Variants in DCLK1 observed in about 807,000 individuals in gnomAD.
The protein encoded by DCLK1 is serine/threonine-protein kinase DCLK1.
In DCLK1, 16 loss-of-function variants were observed where a neutral mutation model predicts 86.2. The ratio of observed to expected loss-of-function variants is 0.19; its 90% CI spans 0.13 to 0.28. The LOEUF (loss-of-function observed/expected upper bound fraction) is 0.28. Ranked by LOEUF, DCLK1 falls within the 10% of genes least tolerant of loss-of-function variation. The probability of loss-of-function intolerance (pLI) is 1.00; values close to 1 mark genes in which losing one functional copy is unlikely to be tolerated. For synonymous variants in DCLK1, 369 were observed against 370.5 expected, an observed-to-expected ratio of 1.00 and a Z score of 0.05; for missense variants, 590 against 940.2, an observed-to-expected ratio of 0.63 and a Z score of 4.87.
intron 3 of DCLK1, 91 bp downstream of exon 3, chr13:36,111,778 C>T (rs1376175969): frequency 1.6e-6 from 2 of 1,219,128 alleles, no homozygotes; most frequent in African/African-American, 1.5e-5. Flanking sequence ...CCTTTAACAA[C>T]TTGAGCAAAA....
At chr13:36,067,861 G>C (rs1047379491) in intron 3 of DCLK1, among the ~76,000 whole-genome samples, 1 of 152,138 alleles carries the variant, frequency 6.6e-6, no homozygotes, top group South Asian at 2.1e-4. Flanking sequence ...TAAATGAGAA[G>C]AGTCTGCTGC....
At chr13:35,839,622 TA>T (rs1343865042) in intron 6 of DCLK1, among the ~76,000 whole-genome samples, 2 of 152,142 alleles carry the variant, frequency 1.3e-5, no homozygotes, top group African/African-American at 2.4e-5. Flanking sequence ...AAAATATCCT[TA>T]AAAAAATTAA....
Position 35,795,925 on chromosome 13 carries a change from C to CAAAA in DCLK1, c.1945-2450_1945-2447dup, listed in dbSNP as rs36039528. 4.6e-3 allele frequency among the ~76,000 whole-genome samples: 411 copies of CAAAA among 90,066 alleles called. 4 individuals are homozygous for CAAAA. Among genetic ancestry groups the CAAAA allele is most frequent in the African/African-American group, 0.016 (380 of 24,032 alleles). 59.1% of individuals were successfully genotyped at this position (90,066 alleles called of 152,430 possible). A position where few individuals can be genotyped will look rare whatever the true frequency, so the allele number is the denominator to read the frequency against. The stretch of plus-strand genomic sequence containing the variant: ...GGGCAACAAAAGCAAAACTCCATCT[C>CAAAA]AAAAAAAAAAAAAAAAAAACCAACA... On this transcript the variant is annotated intron_variant, in intron 15 of 16. Coordinates refer to ENST00000360631, the MANE Select transcript of DCLK1 (RefSeq NM_001330071.2).
intron 4 of DCLK1, among the ~76,000 whole-genome samples, chr13:35,906,520 T>G (rs1874700345): frequency 6.6e-6 from 1 of 152,152 alleles, no homozygotes; most frequent in African/African-American, 2.4e-5. Flanking sequence ...TGATGGATGG[T>G]AAAGAGCAAC....
At chr13:36,041,578 G>A (rs1389035968) in intron 3 of DCLK1, among the ~76,000 whole-genome samples, 4 of 152,012 alleles carry the variant, frequency 2.6e-5, no homozygotes, top group Non-Finnish European at 5.9e-5. Flanking sequence ...CTCATCCATT[G>A]TTCTCTAAAA....
intron 3 of DCLK1, among the ~76,000 whole-genome samples, chr13:35,968,569 A>C (rs1396776157): frequency 6.6e-6 from 1 of 152,210 alleles, no homozygotes; most frequent in Non-Finnish European, 1.5e-5. Context: ...TTGCACACTG[A>C]CAATACAACA....
chr13:35,854,219 T>C (rs181785564), intron 6 of DCLK1, among the ~76,000 whole-genome samples: 8 of 152,276 alleles, frequency 5.3e-5, no homozygotes, highest in Non-Finnish European at 1.2e-4. Context: ...TACAAACTAG[T>C]GCTAATAAAG....
chr13:36,103,218 T>C (rs1164946400), intron 3 of DCLK1, among the ~76,000 whole-genome samples: 2 of 152,118 alleles, frequency 1.3e-5, no homozygotes, highest in South Asian at 2.1e-4. Context: ...CTGGCCAACA[T>C]GGTGAAACCT....
intron 3 of DCLK1, among the ~76,000 whole-genome samples, chr13:36,075,889 G>T (rs1362215344): frequency 6.6e-6 from 1 of 152,060 alleles, no homozygotes; most frequent in Non-Finnish European, 1.5e-5. Context: ...GCCGAACACA[G>T]TGGCACATGC....
At chr13:35,842,524 C>A (rs894123409) in intron 6 of DCLK1, among the ~76,000 whole-genome samples, 4 of 151,918 alleles carry the variant, frequency 2.6e-5, no homozygotes, top group South Asian at 2.1e-4. Flanking sequence ...AAAAAAAAAA[C>A]CTGGTGCTTG....
intron 16 of DCLK1, among the ~76,000 whole-genome samples, chr13:35,777,195 C>A (rs1044879383): frequency 1.3e-5 from 2 of 152,144 alleles, no homozygotes; most frequent in African/African-American, 4.8e-5. Flanking sequence ...ATCCTCATGA[C>A]ACGTATTCTT....
At chr13:36,075,777 GA>G (rs1237550449) in intron 3 of DCLK1, among the ~76,000 whole-genome samples, 1 of 152,212 alleles carries the variant, frequency 6.6e-6, no homozygotes, top group Non-Finnish European at 1.5e-5. Context: ...AGCACTTTGG[GA>G]GGCCGAGGCA....
At chr13:36,052,223 C>T (rs1265069323) in intron 3 of DCLK1, among the ~76,000 whole-genome samples, 1 of 152,144 alleles carries the variant, frequency 6.6e-6, no homozygotes, top group Non-Finnish European at 1.5e-5. Flanking sequence ...TGAGATGTTT[C>T]CTTTTATCTG....
At chr13:35,854,893 G>T (rs925526167) in intron 5 of DCLK1, among the ~76,000 whole-genome samples, 4 of 152,192 alleles carry the variant, frequency 2.6e-5, no homozygotes, top group African/African-American at 9.7e-5. Flanking sequence ...GGGACTTTAG[G>T]AATGTATGGT....
intron 3 of DCLK1, among the ~76,000 whole-genome samples, chr13:36,107,581 T>C (rs1184641681): frequency 4.6e-5 from 7 of 152,176 alleles, no homozygotes; most frequent in Non-Finnish European, 8.8e-5. Context: ...ATTTATTTTC[T>C]ACTTAAAGAG....
intron 6 of DCLK1, chr13:35,849,302 A>G (rs1385789553): frequency 1.0e-6 from 1 of 985,210 alleles, no homozygotes; most frequent in Non-Finnish European, 1.2e-6. Flanking sequence ...GCGTGTGACA[A>G]CTGAATTTCT....
rs531050540 is a variant in DCLK1 at position 35,827,579 on chromosome 13, A to G, written c.1407+56T>C. The G allele has an allele frequency of 3.4e-5, 55 of 1,602,458 alleles. No individual in the cohort carries two copies. In the African/African-American group the frequency reaches 6.2e-4, roughly 18 times the overall value. On this transcript the variant is annotated intron_variant, in intron 10 of 16. Transcript: ENST00000360631. ...AGAAAATAAGGGAAAGAGCTCTAGAATATAGGCAAGTGCGGTGCCATCAAT... is the reference window on the plus strand; with the variant it reads ...AGAAAATAAGGGAAAGAGCTCTAGAGTATAGGCAAGTGCGGTGCCATCAAT...
intron 4 of DCLK1, among the ~76,000 whole-genome samples, chr13:35,938,895 C>T (rs956210788): frequency 6.6e-6 from 1 of 151,868 alleles, no homozygotes; most frequent in Middle Eastern, 3.2e-3. Context: ...CTGTGAGGAC[C>T]GGAAGAGAAA....
intron 3 of DCLK1, among the ~76,000 whole-genome samples, chr13:35,951,174 T>A (rs1379178643): frequency 2.0e-5 from 3 of 151,808 alleles, no homozygotes; most frequent in Non-Finnish European, 4.4e-5. Flanking sequence ...CAACCTACCT[T>A]TCAAGCTTCC....
Sources: allele counts gnomAD v4.1 joint callset (sites outside exome capture counted in the v4.1 genomes callset), GRCh38; gene constraint gnomAD v4.1.1; transcripts MANE v1.5; gene names NCBI Gene and HGNC (gene_info 2026-07-23, HGNC 2026-07-21).